The following FAM171A1 variants were observed in gnomAD, a reference collection of about 807,000 sequenced individuals.
The protein encoded by FAM171A1 is family with sequence similarity 171 member A1, also known as protein FAM171A1.
Under a neutral mutation model 74.9 loss-of-function variants are expected in FAM171A1, and 23 were observed. The observed-to-expected ratio is 0.31, with a 90% CI of 0.22 to 0.44. FAM171A1 has a LOEUF of 0.44. Among genes scored for constraint, FAM171A1 ranks in the 20% least tolerant of loss-of-function variants. The pLI, the probability that FAM171A1 is intolerant of heterozygous loss-of-function variation, is 1.00. For synonymous variants in FAM171A1, 527 were observed against 505.7 expected, an observed-to-expected ratio of 1.04 and a Z score of -0.57; for missense variants, 1,162 against 1,159.2, an observed-to-expected ratio of 1.00 and a Z score of -0.03.
At chr10:15,276,242 G>A (rs943104921) in intron 2 of FAM171A1, among the ~76,000 whole-genome samples, 27 of 151,092 alleles carry the variant, frequency 1.8e-4, no homozygotes, top group African/African-American at 5.3e-4. Flanking sequence ...ATGCAGTGGC[G>A]CAATCTCAGC....
In FAM171A1 at chr10:15,323,230, G is replaced by C. The variant is rs550205060; in HGVS notation, c.98-39125C>G. ...AGCACTTTGGGAGGTTGAGGCAGGT[G>C]GATCAGTAGGTCAGGAGTTCGAGAC... On this transcript the variant is annotated intron_variant, in intron 1 of 7. Transcript: ENST00000378116. 1.5e-3 allele frequency among the ~76,000 whole-genome samples: 234 copies of C among 151,348 alleles called. 1 individual carries two copies. Among genetic ancestry groups the C allele is most frequent in the African/African-American group, 5.0e-3 (208 of 41,244 alleles).
At chr10:15,332,241 C>G (rs1031374615) in intron 1 of FAM171A1, among the ~76,000 whole-genome samples, 3 of 152,114 alleles carry the variant, frequency 2.0e-5, no homozygotes, top group Admixed American at 2.0e-4. Context: ...CAGGAGTGAG[C>G]CACCACGCCA....
In FAM171A1 at chr10:15,351,276, C is replaced by A. The variant is rs56729289; in HGVS notation, c.97+19680G>T. ...GTGGCCCCGGACTGAAGAGTCCCTG[C>A]GCAGGAATCATGACTGAACCCGAGT... On this transcript the variant is annotated intron_variant, in intron 1 of 7. Transcript: ENST00000378116. Among the ~76,000 whole-genome samples the A allele has an allele frequency of 1.0e-3, 156 of 152,038 alleles. 1 individual carries two copies. The highest frequency in any genetic ancestry group is 1.8e-3 in the Non-Finnish European group (123 of 67,990).
chr10:15,306,940 G>A (rs911195224), intron 1 of FAM171A1, among the ~76,000 whole-genome samples: 77 of 152,078 alleles, frequency 5.1e-4, no homozygotes, highest in African/African-American at 1.8e-3. Flanking sequence ...TTTCCATCAC[G>A]CCATGTGCCC....
chr10:15,234,875 G>A (rs1181436544), intron 5 of FAM171A1, among the ~76,000 whole-genome samples: 1 of 151,954 alleles, frequency 6.6e-6, no homozygotes, highest in Non-Finnish European at 1.5e-5. Flanking sequence ...TGTTAGCCAG[G>A]ATGGTCTCGA....
chr10:15,290,903 G>C (rs1002429103), intron 1 of FAM171A1, among the ~76,000 whole-genome samples: 4 of 151,996 alleles, frequency 2.6e-5, no homozygotes, highest in Non-Finnish European at 5.9e-5. Flanking sequence ...CCGCCGTTTT[G>C]TTTTGTTTAG....
At chr10:15,361,203 T>C (rs1835989449) in intron 1 of FAM171A1, among the ~76,000 whole-genome samples, 1 of 152,230 alleles carries the variant, frequency 6.6e-6, no homozygotes. Context: ...CGTGCTTTAA[T>C]TCTCTCTGTT....
intron 1 of FAM171A1, among the ~76,000 whole-genome samples, chr10:15,347,933 C>T (rs1044063674): frequency 6.6e-6 from 1 of 151,892 alleles, no homozygotes; most frequent in African/African-American, 2.4e-5. Flanking sequence ...CATACTAAAT[C>T]CACCACCTCT....
At chr10:15,359,517 G>A (rs1032582823) in intron 1 of FAM171A1, among the ~76,000 whole-genome samples, 2 of 152,130 alleles carry the variant, frequency 1.3e-5, no homozygotes, top group African/African-American at 4.8e-5. Flanking sequence ...ATTGGACAGA[G>A]GGTCATGATC....
rs547476801 is a variant in FAM171A1 at position 15,336,027 on chromosome 10, T to G, written c.97+34929A>C. Among the ~76,000 whole-genome samples, 112 of 152,282 alleles carry G rather than the reference T, an allele frequency of 7.4e-4. 1 individual carries two copies. Among genetic ancestry groups the G allele is most frequent in the African/African-American group, 2.6e-3 (107 of 41,568 alleles). On this transcript the variant is annotated intron_variant, in intron 1 of 7. Transcript: ENST00000378116. ...TTTTTTTAACCCAATAATCAGGAAC[T>G]TAATACAGCATGTGGTGTCAGAGGT... is the stretch of plus-strand genomic sequence containing the variant.
chr10:15,370,412 G>A (rs1191257491), intron 1 of FAM171A1, among the ~76,000 whole-genome samples: 1 of 149,536 alleles, frequency 6.7e-6, no homozygotes, highest in Non-Finnish European at 1.5e-5. Context: ...GCAGGCTAGT[G>A]GCTAGTGGCG....
Position 15,367,879 on chromosome 10 carries a change from T to C in FAM171A1, c.97+3077A>G, listed in dbSNP as rs775310655. On this transcript the variant is annotated intron_variant, in intron 1 of 7. Transcript: ENST00000378116. The stretch of plus-strand genomic sequence containing the variant: ...TGAAGTTCTTAACCTAGCTCTGACC[T>C]TCCTTTTGGCACATAAATAAGAGTG... Among the ~76,000 whole-genome samples, 15 of 152,236 alleles carry C rather than the reference T, an allele frequency of 9.9e-5. 1 individual carries two copies. The highest frequency in any genetic ancestry group is 2.9e-4 in the African/African-American group (12 of 41,472).
chr10:15,223,668 GCTGGTGGAT>G (rs567951089), intron 5 of FAM171A1, among the ~76,000 whole-genome samples: 129 of 152,318 alleles, frequency 8.5e-4, no homozygotes, highest in African/African-American at 3.0e-3. Context: ...GGAGGCTGAG[GCTGGTGGAT>G]CACTTGAGGT....
At chr10:15,234,167 A>G (rs907381555) in intron 5 of FAM171A1, among the ~76,000 whole-genome samples, 4 of 152,202 alleles carry the variant, frequency 2.6e-5, no homozygotes, top group Admixed American at 6.5e-5. Context: ...AAAAACATAC[A>G]AAGTGTTGAT....
At chr10:15,257,362 G>A (rs182649965) in intron 3 of FAM171A1, among the ~76,000 whole-genome samples, 6 of 152,238 alleles carry the variant, frequency 3.9e-5, no homozygotes, top group East Asian at 3.9e-4. Context: ...CCCAGGATAC[G>A]CAGCCTAGCC....
At chr10:15,215,932 T>C (rs1833961463) in intron 7 of FAM171A1, 64 bp downstream of exon 7, 2 of 1,030,724 alleles carry the variant, frequency 1.9e-6, no homozygotes, top group African/African-American at 3.3e-5. Flanking sequence ...TTAATGCTTC[T>C]AAGTATCAAT....
At chr10:15,254,157 C>G (rs1185973681) in intron 4 of FAM171A1, among the ~76,000 whole-genome samples, 1 of 152,136 alleles carries the variant, frequency 6.6e-6, no homozygotes. Flanking sequence ...TGGGTGGACA[C>G]AGATGGCAGA....
chr10:15,316,019 T>G (rs1278894062), intron 1 of FAM171A1, among the ~76,000 whole-genome samples: 3 of 152,214 alleles, frequency 2.0e-5, no homozygotes, highest in African/African-American at 7.2e-5. Context: ...AGCAGGAAGG[T>G]TATGTTACAT....
chr10:15,339,685 C>A (rs1229756279), intron 1 of FAM171A1, among the ~76,000 whole-genome samples: 4 of 152,140 alleles, frequency 2.6e-5, no homozygotes, highest in African/African-American at 9.7e-5. Flanking sequence ...CTACACCCAA[C>A]CCCTTTCCCT....
Sources: gnomAD v4.1 joint callset for allele counts (sites outside exome capture counted in the v4.1 genomes callset) on GRCh38, gnomAD v4.1.1 for gene constraint, MANE v1.5 for transcripts, NCBI Gene and HGNC (gene_info 2026-07-23, HGNC 2026-07-21) for gene names.